XKR4: variants seen among roughly 807,000 people sequenced by gnomAD.
The protein encoded by XKR4 is XK-related protein 4.
A neutral mutation model predicts 53.9 loss-of-function variants in XKR4; 12 were observed. That is an observed-to-expected ratio of 0.22 (90% CI 0.14 to 0.36). The LOEUF (loss-of-function observed/expected upper bound fraction) is 0.36, where lower values mean the gene tolerates loss of function less well. XKR4 is among the 10% of genes least tolerant of loss of function. The pLI is 1.00. For missense variants in XKR4, 799 were observed against 859.5 expected, an observed-to-expected ratio of 0.93 and a Z score of 0.88; for synonymous variants, 354 against 362.4, an observed-to-expected ratio of 0.98 and a Z score of 0.26.
chr8:55,304,625 G>T (rs1389731041), intron 1 of XKR4, among the ~76,000 whole-genome samples: 1 of 152,032 alleles, frequency 6.6e-6, no homozygotes, highest in Non-Finnish European at 1.5e-5. Context: ...TTATTGTGTG[G>T]GAGTCTAAGT....
chr8:55,111,160 A>G (rs757618521), intron 1 of XKR4, among the ~76,000 whole-genome samples: 2 of 152,182 alleles, frequency 1.3e-5, no homozygotes, highest in Non-Finnish European at 2.9e-5. Flanking sequence ...CAGGCAGGCT[A>G]CCTGACTGCT....
intron 1 of XKR4, among the ~76,000 whole-genome samples, chr8:55,136,352 C>T (rs1816630395): frequency 6.6e-6 from 1 of 152,194 alleles, no homozygotes; most frequent in Admixed American, 6.5e-5. Flanking sequence ...TTGACAAATA[C>T]TTGGGGTTGA....
At chr8:55,411,460 A>C (rs112282555) in intron 2 of XKR4, among the ~76,000 whole-genome samples, 161 of 152,330 alleles carry the variant, frequency 1.1e-3, no homozygotes, top group African/African-American at 3.6e-3. Flanking sequence ...TGAGTTTTCA[A>C]AATTGAATTC....
chr8:55,186,687 A>T (rs1436294977), intron 1 of XKR4, among the ~76,000 whole-genome samples: 1 of 152,112 alleles, frequency 6.6e-6, no homozygotes, highest in African/African-American at 2.4e-5. Flanking sequence ...TAATTAAAAA[A>T]TTCAAATAGA....
intron 2 of XKR4, among the ~76,000 whole-genome samples, chr8:55,478,733 A>T (rs1806045553): frequency 6.6e-6 from 1 of 152,158 alleles, no homozygotes; most frequent in African/African-American, 2.4e-5. Flanking sequence ...AAACAAAAAA[A>T]GGCAGGGGTT....
At chr8:55,183,103 T>A (rs994933284) in intron 1 of XKR4, among the ~76,000 whole-genome samples, 3 of 152,024 alleles carry the variant, frequency 2.0e-5, no homozygotes, top group Non-Finnish European at 2.9e-5. Context: ...ATTGATTTTC[T>A]TTTTTTATCC....
At chr8:55,148,153 T>C (rs1816794964) in intron 1 of XKR4, among the ~76,000 whole-genome samples, 1 of 152,246 alleles carries the variant, frequency 6.6e-6, no homozygotes, top group Non-Finnish European at 1.5e-5. Context: ...AATTTTAAGA[T>C]GGAAACATTT....
At chr8:55,145,863 A>G (rs1439395345) in intron 1 of XKR4, among the ~76,000 whole-genome samples, 2 of 152,238 alleles carry the variant, frequency 1.3e-5, no homozygotes, top group Non-Finnish European at 2.9e-5. Flanking sequence ...TCACTCCAGT[A>G]TCTCATGGGG....
At chr8:55,289,644 A>ATAAAG (rs1818964552) in intron 1 of XKR4, among the ~76,000 whole-genome samples, 1 of 120,960 alleles carries the variant, frequency 8.3e-6, no homozygotes, top group African/African-American at 3.2e-5. Flanking sequence ...AAAGAAAGAA[A>ATAAAG]GAAAGGAAGG....
intron 1 of XKR4, among the ~76,000 whole-genome samples, chr8:55,130,578 T>C (rs1816539585): frequency 6.6e-6 from 1 of 152,192 alleles, no homozygotes; most frequent in South Asian, 2.1e-4. Flanking sequence ...ATCTGCCTCA[T>C]ACCAGCCCCT....
chr8:55,374,635 C>A (rs1420364111), intron 2 of XKR4, among the ~76,000 whole-genome samples: 1 of 152,134 alleles, frequency 6.6e-6, no homozygotes, highest in African/African-American at 2.4e-5. Context: ...AACAGTCCTG[C>A]AACAGGAAGA....
intron 1 of XKR4, among the ~76,000 whole-genome samples, chr8:55,351,950 A>G (rs1803730163): frequency 6.6e-6 from 1 of 152,216 alleles, no homozygotes; most frequent in Non-Finnish European, 1.5e-5. Flanking sequence ...ATACATACTC[A>G]TTGAATCCAT....
At chr8:55,222,282 T>G (rs1817891688) in intron 1 of XKR4, among the ~76,000 whole-genome samples, 1 of 152,248 alleles carries the variant, frequency 6.6e-6, no homozygotes, top group Admixed American at 6.5e-5. Flanking sequence ...TATTTCTGCA[T>G]TCTGCTCTGC....
chr8:55,471,472 C>A (rs1443093290), intron 2 of XKR4, among the ~76,000 whole-genome samples: 1 of 152,104 alleles, frequency 6.6e-6, no homozygotes, highest in Non-Finnish European at 1.5e-5. Flanking sequence ...TGGGGCCCGG[C>A]CATCTGTGTT....
intron 1 of XKR4, among the ~76,000 whole-genome samples, chr8:55,156,862 T>C (rs1816914916): frequency 6.6e-6 from 1 of 152,214 alleles, no homozygotes; most frequent in South Asian, 2.1e-4. Context: ...ACAACACGTT[T>C]CCGTAAACTT....
intron 2 of XKR4, among the ~76,000 whole-genome samples, chr8:55,519,058 G>A (rs551943879): frequency 3.9e-4 from 60 of 152,276 alleles, no homozygotes; most frequent in Non-Finnish European, 8.1e-4. Flanking sequence ...AGGAGAGTTC[G>A]CTTTGGAGAA....
intron 1 of XKR4, among the ~76,000 whole-genome samples, chr8:55,214,514 C>T (rs1817775218): frequency 6.6e-6 from 1 of 152,126 alleles, no homozygotes; most frequent in African/African-American, 2.4e-5. Context: ...CCTGAATGTC[C>T]AGCTATCACT....
chr8:55,136,334 G>A (rs920666565), intron 1 of XKR4, among the ~76,000 whole-genome samples: 1 of 152,156 alleles, frequency 6.6e-6, no homozygotes, highest in Non-Finnish European at 1.5e-5. Context: ...ACAGAGAACA[G>A]TCTCAACTTG....
At chr8:55,486,136 C>A (rs1340466831) in intron 2 of XKR4, among the ~76,000 whole-genome samples, 1 of 152,030 alleles carries the variant, frequency 6.6e-6, no homozygotes, top group Non-Finnish European at 1.5e-5. Context: ...AAGAGATGAA[C>A]CATAAAAAAA....
Sources: gnomAD v4.1 joint callset for allele counts (sites outside exome capture counted in the v4.1 genomes callset) on GRCh38, gnomAD v4.1.1 for gene constraint, MANE v1.5 for transcripts, NCBI Gene and HGNC (gene_info 2026-07-23, HGNC 2026-07-21) for gene names.